Variants in CSNK1G1 observed in about 807,000 individuals in gnomAD.
CSNK1G1 encodes casein kinase 1 gamma 1.
A neutral mutation model predicts 59.6 loss-of-function variants in CSNK1G1; 22 were observed. The observed-to-expected ratio is 0.37, with a 90% CI of 0.26 to 0.53. The LOEUF is 0.53. Ranked by LOEUF, CSNK1G1 falls within the 20% of genes least tolerant of loss-of-function variation. CSNK1G1 has a pLI of 0.89. For missense variants in CSNK1G1, 384 were observed against 519.5 expected, an observed-to-expected ratio of 0.74 and a Z score of 2.54; for synonymous variants, 179 against 177.1, an observed-to-expected ratio of 1.01 and a Z score of -0.08.
intron 1 of CSNK1G1, among the ~76,000 whole-genome samples, chr15:64,333,890 G>C (rs1196092106): frequency 6.6e-6 from 1 of 152,094 alleles, no homozygotes; most frequent in Admixed American, 6.6e-5. Flanking sequence ...GGAGCATCTA[G>C]ATTCATAGAA....
chr15:64,353,710 A>C (rs1344959851), intron 1 of CSNK1G1, among the ~76,000 whole-genome samples: 2 of 151,926 alleles, frequency 1.3e-5, no homozygotes, highest in African/African-American at 4.8e-5. Flanking sequence ...TCACACCTGT[A>C]ATCTCAACAC....
chr15:64,222,110 G>A (rs1241722401), intron 4 of CSNK1G1, among the ~76,000 whole-genome samples: 2 of 152,042 alleles, frequency 1.3e-5, no homozygotes, highest in Non-Finnish European at 2.9e-5. Flanking sequence ...AAAGGAACAA[G>A]ATCATGTCCT....
chr15:64,340,263 T>C (rs1227213319), intron 1 of CSNK1G1, among the ~76,000 whole-genome samples: 2 of 152,240 alleles, frequency 1.3e-5, no homozygotes, highest in African/African-American at 2.4e-5. Flanking sequence ...TGTATGAAAC[T>C]AATTCTTTAA....
At chr15:64,245,925 TACCAGAG>T (rs1319633650) in intron 4 of CSNK1G1, among the ~76,000 whole-genome samples, 12 of 152,210 alleles carry the variant, frequency 7.9e-5, no homozygotes, top group Admixed American at 3.9e-4. Context: ...GAATGATGGT[TACCAGAG>T]GCTGGGAATG....
chr15:64,316,250 A>C (rs1276998434), intron 1 of CSNK1G1, among the ~76,000 whole-genome samples: 1 of 152,118 alleles, frequency 6.6e-6, no homozygotes, highest in Non-Finnish European at 1.5e-5. Flanking sequence ...GAAAAAGTTA[A>C]TGCAGGTTGG....
chr15:64,297,520 A>G (rs962933836), intron 2 of CSNK1G1, among the ~76,000 whole-genome samples: 1 of 152,142 alleles, frequency 6.6e-6, no homozygotes, highest in South Asian at 2.1e-4. Context: ...ACCAGCCTGC[A>G]AAACATCATC....
intron 1 of CSNK1G1, among the ~76,000 whole-genome samples, chr15:64,302,433 C>T (rs1298924146): frequency 1.3e-5 from 2 of 151,918 alleles, no homozygotes; most frequent in African/African-American, 2.4e-5. Flanking sequence ...AAATAAACTG[C>T]TTTTCATTTT....
intron 4 of CSNK1G1, among the ~76,000 whole-genome samples, chr15:64,238,891 G>A (rs2082657189): frequency 6.6e-6 from 1 of 152,064 alleles, no homozygotes; most frequent in South Asian, 2.1e-4. Context: ...GGCTATGTCA[G>A]ATACCAAGAG....
chr15:64,333,507 AG>A (rs1897229346), intron 1 of CSNK1G1, among the ~76,000 whole-genome samples: 1 of 150,502 alleles, frequency 6.6e-6, no homozygotes, highest in East Asian at 2.0e-4. Context: ...AAAACTCACA[AG>A]GTCTATAAAA....
In CSNK1G1 at chr15:64,332,204, G is replaced by T. The variant is rs1340878575; in HGVS notation, c.-225+23784C>A. Among the ~76,000 whole-genome samples the T allele has an allele frequency of 2.7e-4, 28 of 105,020 alleles. 1 individual carries two copies. The highest frequency in any genetic ancestry group is 9.9e-4 in the African/African-American group (28 of 28,318). The allele number at this position is 105,020 out of a possible 152,430, so 68.9% of individuals were successfully genotyped here. The stretch of plus-strand genomic sequence containing the variant: ...TACCCAAATGACTATAAATCATGCT[G>T]CTATAAAGACACATGCACACGTATG... On this transcript the variant is annotated intron_variant, in intron 1 of 11. Transcript: ENST00000303052.
chr15:64,351,381 T>C (rs1342941395), intron 1 of CSNK1G1, among the ~76,000 whole-genome samples: 3 of 152,314 alleles, frequency 2.0e-5, no homozygotes, highest in South Asian at 2.1e-4. Flanking sequence ...ATCCAAGAGA[T>C]AGATATTAAA....
rs1043116686 is a variant in CSNK1G1 at position 64,292,953 on chromosome 15, T to C, written c.181+7366A>G. Among the ~76,000 whole-genome samples, 10 of 151,192 alleles carry C rather than the reference T, an allele frequency of 6.6e-5. No homozygotes were observed. The South Asian group carries it at 2.1e-3, about 32-fold the overall frequency. Reference sequence around the variant, plus strand: ...TAAATAAATAAATAAATAAATATCATCTATCTACTTATTCTTGCAACTAAG... The same window carrying C: ...TAAATAAATAAATAAATAAATATCACCTATCTACTTATTCTTGCAACTAAG... On this transcript the variant is annotated intron_variant, in intron 2 of 11. Coordinates refer to ENST00000303052, the MANE Select transcript of CSNK1G1 (RefSeq NM_022048.5).
intron 4 of CSNK1G1, among the ~76,000 whole-genome samples, chr15:64,231,374 CAT>C (rs987394486): frequency 3.4e-5 from 5 of 146,758 alleles, no homozygotes; most frequent in East Asian, 3.9e-4. Flanking sequence ...TTTATATAAA[CAT>C]ATATATATTT....
intron 1 of CSNK1G1, 119 bp from the exon 2 acceptor site, chr15:64,300,842 T>G (rs1285068687): frequency 1.8e-6 from 1 of 553,460 alleles, no homozygotes; most frequent in African/African-American, 1.9e-5. Flanking sequence ...GCTTCTGAAA[T>G]GGGTTTTGGT....
chr15:64,229,902 AT>A (rs533868270), intron 4 of CSNK1G1, among the ~76,000 whole-genome samples: 121 of 43,762 alleles, frequency 2.8e-3, no homozygotes, highest in Non-Finnish European at 3.2e-3. Context: ...ATGTTTGTAA[AT>A]TTTTTTTTTT....
At chr15:64,250,482 C>T (rs914296569) in intron 4 of CSNK1G1, among the ~76,000 whole-genome samples, 3 of 152,164 alleles carry the variant, frequency 2.0e-5, no homozygotes, top group South Asian at 4.1e-4. Flanking sequence ...ATGGCTCATG[C>T]CTGTAATCCC....
chr15:64,238,116 G>C (rs2082639698), intron 4 of CSNK1G1, among the ~76,000 whole-genome samples: 1 of 152,062 alleles, frequency 6.6e-6, no homozygotes, highest in South Asian at 2.1e-4. Flanking sequence ...ATGTGAAACA[G>C]GAAATCTTGC....
chr15:64,198,626 T>C (rs1328780939), intron 10 of CSNK1G1, among the ~76,000 whole-genome samples: 1 of 152,088 alleles, frequency 6.6e-6, no homozygotes, highest in Non-Finnish European at 1.5e-5. Flanking sequence ...AGAAACTGTA[T>C]TTTTCTTTTG....
At chr15:64,263,037 C>T (rs917754326) in intron 2 of CSNK1G1, among the ~76,000 whole-genome samples, 3 of 138,094 alleles carry the variant, frequency 2.2e-5, no homozygotes, top group Admixed American at 7.7e-5. Context: ...GGAGATCACA[C>T]GACTGCACTC....
Sources: gnomAD v4.1 joint callset for allele counts (sites outside exome capture counted in the v4.1 genomes callset) on GRCh38, gnomAD v4.1.1 for gene constraint, MANE v1.5 for transcripts, NCBI Gene and HGNC (gene_info 2026-07-23, HGNC 2026-07-21) for gene names.